BACH2: variants seen among roughly 807,000 people sequenced by gnomAD.
BACH2 encodes transcription regulator protein BACH2.
In BACH2, 5 loss-of-function variants were observed where a neutral mutation model predicts 61.8. The observed-to-expected ratio is 0.08, with a 90% CI of 0.04 to 0.17. The LOEUF is 0.17. Among genes scored for constraint, BACH2 ranks in the 10% least tolerant of loss-of-function variants. The probability of loss-of-function intolerance (pLI) is 1.00; values close to 1 mark genes in which losing one functional copy is unlikely to be tolerated. For synonymous variants in BACH2, 446 were observed against 440.1 expected, an observed-to-expected ratio of 1.01 and a Z score of -0.17; for missense variants, 824 against 1,091.1, an observed-to-expected ratio of 0.76 and a Z score of 3.45.
At chr6:90,236,174 T>C (rs1214609862) in intron 3 of BACH2, among the ~76,000 whole-genome samples, 1 of 152,264 alleles carries the variant, frequency 6.6e-6, no homozygotes, top group African/African-American at 2.4e-5. Context: ...ATTTATTCAA[T>C]CATATAAGAA....
intron 5 of BACH2, among the ~76,000 whole-genome samples, chr6:90,029,862 G>C (rs12215222): frequency 6.6e-6 from 1 of 152,040 alleles, no homozygotes; most frequent in Admixed American, 6.6e-5. Context: ...CAATGCGACC[G>C]TTAGAGAAAA....
intron 4 of BACH2, among the ~76,000 whole-genome samples, chr6:90,181,611 A>C (rs772600103): frequency 6.6e-6 from 1 of 152,050 alleles, no homozygotes; most frequent in Non-Finnish European, 1.5e-5. Flanking sequence ...TGTTACCTGA[A>C]CTACAGTGCA....
chr6:90,006,361 A>C (rs1327309546), intron 6 of BACH2, among the ~76,000 whole-genome samples: 29 of 152,192 alleles, frequency 1.9e-4, no homozygotes, highest in Non-Finnish European at 1.5e-5. Flanking sequence ...AGCGCAGTTA[A>C]GGAAAGGCCA....
intron 4 of BACH2, among the ~76,000 whole-genome samples, chr6:90,170,535 C>T (rs1170484826): frequency 1.3e-5 from 2 of 152,084 alleles, no homozygotes; most frequent in Non-Finnish European, 2.9e-5. Flanking sequence ...TTCTTAAAGA[C>T]CTTTTTGTAA....
At chr6:90,211,923 C>T (rs1769368663) in intron 3 of BACH2, among the ~76,000 whole-genome samples, 1 of 152,178 alleles carries the variant, frequency 6.6e-6, no homozygotes, top group Admixed American at 6.5e-5. Context: ...CTTCCCACCA[C>T]CACGCCCAGC....
intron 5 of BACH2, among the ~76,000 whole-genome samples, chr6:90,024,032 C>T (rs547536569): frequency 1.8e-3 from 267 of 152,274 alleles, no homozygotes; most frequent in African/African-American, 6.1e-3. Context: ...AAAGGGACAC[C>T]GTGGGGTTTC....
intron 4 of BACH2, among the ~76,000 whole-genome samples, chr6:90,103,037 T>TA (rs1014035638): frequency 9.1e-6 from 1 of 109,512 alleles, no homozygotes; most frequent in Non-Finnish European, 1.7e-5. Context: ...ATATTTTTTT[T>TA]TTTTTTTTTT....
intron 4 of BACH2, among the ~76,000 whole-genome samples, chr6:90,151,561 G>A (rs1418668418): frequency 9.9e-5 from 15 of 152,172 alleles, no homozygotes; most frequent in Non-Finnish European, 1.5e-5. Context: ...AAAGTGCTGG[G>A]ATTACAGATA....
intron 3 of BACH2, among the ~76,000 whole-genome samples, chr6:90,249,808 A>G (rs188558731): frequency 1.2e-4 from 19 of 152,300 alleles, no homozygotes; most frequent in Admixed American, 9.2e-4. Flanking sequence ...TTGAACAACA[A>G]AAAGCAACAC....
intron 4 of BACH2, among the ~76,000 whole-genome samples, chr6:90,194,685 C>T (rs1050319455): frequency 1.3e-5 from 2 of 152,192 alleles, no homozygotes; most frequent in African/African-American, 4.8e-5. Flanking sequence ...TTTTCTGCAT[C>T]CAGCAGCTTT....
chr6:90,063,581 A>G (rs1358644644), intron 5 of BACH2, among the ~76,000 whole-genome samples: 1 of 152,188 alleles, frequency 6.6e-6, no homozygotes, highest in African/African-American at 2.4e-5. Flanking sequence ...TGATTTTAGG[A>G]AGGCAGCTTT....
At chr6:90,132,319 C>A (rs1408321045) in intron 4 of BACH2, among the ~76,000 whole-genome samples, 1 of 152,172 alleles carries the variant, frequency 6.6e-6, no homozygotes, top group Non-Finnish European at 1.5e-5. Flanking sequence ...TGGTCATACC[C>A]CCTAAACAGC....
chr6:90,089,833 G>A (rs922334196), intron 4 of BACH2, among the ~76,000 whole-genome samples: 3 of 152,036 alleles, frequency 2.0e-5, no homozygotes, highest in African/African-American at 7.2e-5. Flanking sequence ...TATCTTGTGA[G>A]AGTATGGAGC....
chr6:90,227,893 A>C (rs1769967916), intron 3 of BACH2, among the ~76,000 whole-genome samples: 1 of 152,096 alleles, frequency 6.6e-6, no homozygotes, highest in Non-Finnish European at 1.5e-5. Context: ...CTTCCTCATT[A>C]ACTGCTACAC....
intron 1 of BACH2, among the ~76,000 whole-genome samples, chr6:90,276,720 T>C (rs572988817): frequency 1.8e-4 from 27 of 152,310 alleles, no homozygotes; most frequent in African/African-American, 5.3e-4. Context: ...AACCCCATTT[T>C]CTTATTTCCT....
chr6:90,249,508 T>C (rs1194991716), intron 3 of BACH2, among the ~76,000 whole-genome samples: 1 of 152,194 alleles, frequency 6.6e-6, no homozygotes, highest in African/African-American at 2.4e-5. Context: ...CAGTGGCTCA[T>C]GCCTGTAATG....
chr6:90,267,712 G>A (rs1771384463), intron 2 of BACH2, among the ~76,000 whole-genome samples: 1 of 152,092 alleles, frequency 6.6e-6, no homozygotes, highest in African/African-American at 2.4e-5. Flanking sequence ...GTTAAAAAGA[G>A]CCACTAGATT....
intron 6 of BACH2, among the ~76,000 whole-genome samples, chr6:89,979,350 T>C (rs181849928): frequency 2.6e-5 from 4 of 152,348 alleles, no homozygotes; most frequent in Admixed American, 2.0e-4. Flanking sequence ...CCTGGATATA[T>C]AGGGTAGATT....
In BACH2 at chr6:89,950,980, T is replaced by A. The variant is rs1389274772; in HGVS notation, c.1126A>T (p.Ile376Phe). The change falls in exon 7 of 9, where the codon ATC becomes TTC. Residue 376 changes from isoleucine (I) to phenylalanine (F), a missense_variant. By Grantham distance (21) the Ile-to-Phe change is conservative. This residue lies in a region of BACH2 where 226 missense variants were observed against 228.5 expected (regional missense o/e 0.99). Coordinates refer to ENST00000257749, the MANE Select transcript of BACH2 (RefSeq NM_021813.4). This position sits in a 1 kb window ranked among gnomAD's most constrained non-coding sequence, Gnocchi z 5.3. The part of the protein sequence containing the change: ...RSPACPFDKG[I>F]TQGDLKTDYT... ...TCAGTTTTAAGGTCACCCTGAGTGA[T>A]CCCCTTGTCAAAAGGGCAGGCTGGA... 1 of 1,577,312 alleles carries A rather than the reference T, an allele frequency of 6.3e-7. No homozygotes were observed. Among genetic ancestry groups the A allele is most frequent in the South Asian group, 1.2e-5 (1 of 84,062 alleles).
Sources: allele counts gnomAD v4.1 joint callset (sites outside exome capture counted in the v4.1 genomes callset), GRCh38; gene constraint gnomAD v4.1.1; regional missense constraint gnomAD v4.1.1; non-coding constraint Gnocchi (gnomAD v3.1); transcripts MANE v1.5; gene names NCBI Gene and HGNC (gene_info 2026-07-23, HGNC 2026-07-21).